Variants in DSCAM observed in about 807,000 individuals in gnomAD.
DSCAM encodes the protein DS cell adhesion molecule, also known as cell adhesion molecule DSCAM.
Under a neutral mutation model 217.7 loss-of-function variants are expected in DSCAM, and 47 were observed. That is an observed-to-expected ratio of 0.22 (90% CI 0.17 to 0.28). The LOEUF is 0.28. DSCAM is among the 10% of genes least tolerant of loss of function. The pLI, the probability that DSCAM is intolerant of heterozygous loss-of-function variation, is 1.00. For synonymous variants in DSCAM, 1,056 were observed against 1,015.3 expected, an observed-to-expected ratio of 1.04 and a Z score of -0.76; for missense variants, 2,080 against 2,618.3, an observed-to-expected ratio of 0.79 and a Z score of 4.49.
At chr21:40,519,343 G>A (rs1296860099) in intron 3 of DSCAM, among the ~76,000 whole-genome samples, 2 of 152,166 alleles carry the variant, frequency 1.3e-5, no homozygotes, top group Non-Finnish European at 2.9e-5. Context: ...ATGAAAAAAA[G>A]TCTCAGTGCT....
intron 20 of DSCAM, among the ~76,000 whole-genome samples, chr21:40,123,420 G>C (rs548624307): frequency 5.4e-4 from 82 of 152,150 alleles, no homozygotes; most frequent in Non-Finnish European, 1.1e-3. Context: ...AAGAGACATG[G>C]CACCTGCTGC....
At chr21:40,837,026 T>A (rs1432342257) in intron 1 of DSCAM, among the ~76,000 whole-genome samples, 1 of 152,188 alleles carries the variant, frequency 6.6e-6, no homozygotes, top group African/African-American at 2.4e-5. Context: ...ACCGGGGTGT[T>A]GAGAACCAGT....
chr21:40,668,317 C>A (rs1601835428), intron 3 of DSCAM, among the ~76,000 whole-genome samples: 1 of 152,358 alleles, frequency 6.6e-6, no homozygotes, highest in East Asian at 1.9e-4. Context: ...CAGTTACACA[C>A]AATGACAGGC....
intron 11 of DSCAM, among the ~76,000 whole-genome samples, chr21:40,225,670 C>T (rs375207743): frequency 2.6e-5 from 4 of 152,244 alleles, no homozygotes; most frequent in South Asian, 2.1e-4. Context: ...TCTATATTCC[C>T]GGAGGCCAGT....
At position 40,189,740 on chromosome 21, in the gene DSCAM, T is replaced by C. The variant is rs34664057; in HGVS notation, c.2357-502A>G. On this transcript the variant is annotated intron_variant, in intron 11 of 32. Transcript: ENST00000400454. The stretch of plus-strand genomic sequence containing the variant: ...TCTGCACAAGTGCTCTCTCTTTGCC[T>C]GCTGCCAACCATGTAGGATGTGACT... Among the ~76,000 whole-genome samples the C allele has an allele frequency of 6.2e-3, 937 of 152,310 alleles. 5 individuals carry two copies. The highest frequency in any genetic ancestry group is 0.01 in the Middle Eastern group (3 of 294).
intron 1 of DSCAM, among the ~76,000 whole-genome samples, chr21:40,835,522 A>G (rs2092049189): frequency 6.6e-6 from 1 of 152,212 alleles, no homozygotes; most frequent in South Asian, 2.1e-4. Flanking sequence ...ACATTTATTC[A>G]GCCTACAATG....
At chr21:40,448,833 A>C (rs2075696283) in intron 3 of DSCAM, among the ~76,000 whole-genome samples, 1 of 152,112 alleles carries the variant, frequency 6.6e-6, no homozygotes, top group African/African-American at 2.4e-5. Flanking sequence ...GTTCATATTT[A>C]TTTTGTTTTC....
At chr21:40,026,086 G>T (rs2088375974) in intron 32 of DSCAM, among the ~76,000 whole-genome samples, 1 of 141,614 alleles carries the variant, frequency 7.1e-6, no homozygotes, top group African/African-American at 2.5e-5. Flanking sequence ...TGTTCTCGTT[G>T]GTTTCAAAGA....
At chr21:40,443,171 A>G (rs2075646780) in intron 3 of DSCAM, among the ~76,000 whole-genome samples, 1 of 152,190 alleles carries the variant, frequency 6.6e-6, no homozygotes, top group African/African-American at 2.4e-5. Context: ...TAATTTATGT[A>G]ATTCGCTTAA....
intron 8 of DSCAM, among the ~76,000 whole-genome samples, chr21:40,326,225 T>C (rs766095256): frequency 6.6e-6 from 1 of 152,236 alleles, no homozygotes; most frequent in Non-Finnish European, 1.5e-5. Context: ...CAGCCAAAAG[T>C]TGACAAAACA....
At chr21:40,313,023 G>A (rs375345979) in intron 8 of DSCAM, among the ~76,000 whole-genome samples, 1 of 151,668 alleles carries the variant, frequency 6.6e-6, no homozygotes, top group African/African-American at 2.4e-5. Flanking sequence ...AGGCCAAGGC[G>A]GGAGGATCCC....
rs1455706114 is a variant in DSCAM at position 40,012,108 on chromosome 21, AG to A, written c.*925del. 2.6e-5 allele frequency: 4 copies of A among 152,254 alleles called. No homozygotes were observed. Among genetic ancestry groups the A allele is most frequent in the Non-Finnish European group, 5.9e-5 (4 of 68,052 alleles). The allele number at this position is 152,254 out of a possible 1,614,324, so 9.4% of individuals were successfully genotyped here. On this transcript the variant is annotated 3_prime_UTR_variant, in exon 33 of 33. Transcript: ENST00000400454. ...CAGCAGGAGGCTGGATTTGGCCCAT[AG>A]GCCACAGTCAGTTGAACTCTGGCCA...
intron 1 of DSCAM, among the ~76,000 whole-genome samples, chr21:40,761,086 C>A (rs1370095400): frequency 6.6e-6 from 1 of 152,208 alleles, no homozygotes; most frequent in Non-Finnish European, 1.5e-5. Context: ...TGGAAAGAGT[C>A]AGTCTGGTAT....
At chr21:40,627,392 AC>A (rs561137151) in intron 3 of DSCAM, among the ~76,000 whole-genome samples, 1 of 152,018 alleles carries the variant, frequency 6.6e-6, no homozygotes, top group South Asian at 2.1e-4. Flanking sequence ...AACTCCTTCC[AC>A]CCCCACTATA....
chr21:40,427,276 T>A (rs1472149011), intron 3 of DSCAM, among the ~76,000 whole-genome samples: 1 of 151,928 alleles, frequency 6.6e-6, no homozygotes, highest in Non-Finnish European at 1.5e-5. Context: ...TCCCAGCTGA[T>A]CACTGTCCTG....
chr21:40,279,561 G>C (rs1601512583), intron 10 of DSCAM, among the ~76,000 whole-genome samples: 1 of 152,208 alleles, frequency 6.6e-6, no homozygotes, highest in Non-Finnish European at 1.5e-5. Flanking sequence ...GTGGAAGACA[G>C]TGTGGCAATT....
intron 16 of DSCAM, among the ~76,000 whole-genome samples, chr21:40,145,673 C>G (rs962527152): frequency 2.6e-5 from 4 of 151,638 alleles, no homozygotes; most frequent in Non-Finnish European, 4.4e-5. Flanking sequence ...GGTGAAACCC[C>G]GTCTCTGCTA....
Position 40,475,851 on chromosome 21 carries a change from A to AAAT in DSCAM, c.509-106607_509-106606insATT, listed in dbSNP as rs1185094760. ...GTCTTAAATAAATAAATTAATAAAT[A>AAAT]AAATTTAAAAAAAAACACATCAGCC... On this transcript the variant is annotated intron_variant, in intron 3 of 32. Coordinates refer to ENST00000400454, the MANE Select transcript of DSCAM (RefSeq NM_001389.5). Among the ~76,000 whole-genome samples, 27 of 151,560 alleles carry AAAT rather than the reference A, an allele frequency of 1.8e-4. No homozygotes were observed. The South Asian group carries it at 4.8e-3, about 27-fold the overall frequency.
intron 20 of DSCAM, among the ~76,000 whole-genome samples, chr21:40,105,289 C>A (rs2089804133): frequency 6.6e-6 from 1 of 152,082 alleles, no homozygotes; most frequent in African/African-American, 2.4e-5. Flanking sequence ...ATAGCTTCAA[C>A]AGAAAGATTG....
Sources: gnomAD v4.1 joint callset for allele counts (sites outside exome capture counted in the v4.1 genomes callset) on GRCh38, gnomAD v4.1.1 for gene constraint, MANE v1.5 for transcripts, NCBI Gene and HGNC (gene_info 2026-07-23, HGNC 2026-07-21) for gene names.